TTC3: variants seen among roughly 807,000 people sequenced by gnomAD.
The protein encoded by TTC3 is E3 ubiquitin-protein ligase TTC3.
In TTC3, 180 loss-of-function variants were observed where a neutral mutation model predicts 249.6. The observed-to-expected ratio is 0.72, with a 90% CI of 0.64 to 0.82. The LOEUF is 0.82. Ranked by LOEUF, TTC3 falls within the 40% of genes least tolerant of loss-of-function variation. The probability of loss-of-function intolerance (pLI) is 0.00; values close to 1 mark genes in which losing one functional copy is unlikely to be tolerated. For synonymous variants in TTC3, 717 were observed against 805.0 expected (o/e 0.89, Z 1.85); for missense variants, 2,061 against 2,398.4 (o/e 0.86, Z 2.94).
intron 1 of TTC3, among the ~76,000 whole-genome samples, chr21:37,078,927 A>C (rs2071251417): frequency 6.6e-6 from 1 of 152,228 alleles, no homozygotes; most frequent in Non-Finnish European, 1.5e-5. Context: ...TCAGCTGAGA[A>C]TAACATTTGC....
At chr21:37,200,049 TA>T (rs1438935077) in intron 44 of TTC3, among the ~76,000 whole-genome samples, 182 bp from the exon 45 acceptor site, 1 of 152,260 alleles carries the variant, frequency 6.6e-6, no homozygotes, top group Non-Finnish European at 1.5e-5. Flanking sequence ...TTTGTATTTT[TA>T]TATTTTTTCT....
At chr21:37,197,524 A>G in intron 42 of TTC3, 46 bp from the exon 43 acceptor site, 1 of 1,610,294 alleles carries the variant, frequency 6.2e-7, no homozygotes, top group Non-Finnish European at 8.5e-7. Flanking sequence ...ATTTCTTAGC[A>G]GTAGAGAACT....
At chr21:37,133,783 G>A (rs982956303) in intron 17 of TTC3, among the ~76,000 whole-genome samples, 2 of 152,172 alleles carry the variant, frequency 1.3e-5, no homozygotes, top group African/African-American at 2.4e-5. Flanking sequence ...ATGGTGGCAC[G>A]TGTCTGTAGT....
chr21:37,096,124 A>C (rs555305874), intron 9 of TTC3, among the ~76,000 whole-genome samples: 1 of 152,380 alleles, frequency 6.6e-6, no homozygotes, highest in Admixed American at 6.5e-5. Flanking sequence ...AAAGGGAGAT[A>C]CGTTTCACCA....
intron 16 of TTC3, among the ~76,000 whole-genome samples, chr21:37,129,787 G>A (rs1447513537): frequency 1.3e-5 from 2 of 152,088 alleles, no homozygotes; most frequent in African/African-American, 2.4e-5. Flanking sequence ...CTACTATGGT[G>A]CACGTCACCA....
chr21:37,145,732 C>T (rs2078927700), intron 21 of TTC3, among the ~76,000 whole-genome samples: 1 of 152,154 alleles, frequency 6.6e-6, no homozygotes, highest in African/African-American at 2.4e-5. Context: ...TTCAATAGCT[C>T]CTACTCATGT....
chr21:37,091,325 G>C (rs779795653), exon 7 of TTC3: 2 of 1,611,404 alleles, frequency 1.2e-6, no homozygotes, highest in Non-Finnish European at 1.7e-6. Context: ...CTCTGAATTG[G>C]ATAAAATATG....
At chr21:37,187,108 A>T in exon 38 of TTC3, 1 of 1,579,336 alleles carries the variant, frequency 6.3e-7, no homozygotes, top group Non-Finnish European at 8.6e-7. Context: ...GGGAAAGAGG[A>T]TTATGAAGAG....
In TTC3 at chr21:37,087,292, C is replaced by T. The variant is rs1182956573; in HGVS notation, c.35C>T (p.Ala12Val). The change falls in exon 2 of 46, where the codon GCG becomes GTG. Residue 12 changes from alanine to valine, a missense_variant. Around this residue, in one of 3 missense-constraint regions of TTC3, gnomAD observed 989 missense variants for 1,145.1 expected, o/e 0.86. Coordinates refer to ENST00000355666, the Ensembl canonical transcript of TTC3. ...TTTGCTGAGGGAGATTTCACTGTGG[C>T]GGATTATGCCTTGTTAGAAGATTGC... 6 of 1,606,724 alleles carry T rather than the reference C, an allele frequency of 3.7e-6. No individual in the cohort carries two copies. Among genetic ancestry groups the T allele is most frequent in the Admixed American group, 1.7e-5 (1 of 59,856 alleles).
At chr21:37,160,923 A>T in intron 30 of TTC3, 65 bp downstream of exon 30, 1 of 1,462,116 alleles carries the variant, frequency 6.8e-7, no homozygotes, top group Non-Finnish European at 9.3e-7. Flanking sequence ...GGACATATAC[A>T]TTAGAATTGA....
At chr21:37,097,785 TGA>T in intron 10 of TTC3, 1 of 538,700 alleles carries the variant, frequency 1.9e-6, no homozygotes, top group South Asian at 2.7e-5. Flanking sequence ...TCATGAAAGC[TGA>T]GAGTCTGCTA....
intron 10 of TTC3, among the ~76,000 whole-genome samples, chr21:37,107,071 A>G (rs1601468351): frequency 7.8e-6 from 1 of 128,344 alleles, no homozygotes; most frequent in East Asian, 2.2e-4. Flanking sequence ...ATCCTTATCT[A>G]GTTGGTTTTT....
chr21:37,075,215 A>C (rs575808487), intron 1 of TTC3, among the ~76,000 whole-genome samples: 2 of 152,056 alleles, frequency 1.3e-5, no homozygotes, highest in South Asian at 4.1e-4. Flanking sequence ...TATATGAACA[A>C]ATTGAATGAT....
At chr21:37,140,188 T>G (rs974612996) in intron 19 of TTC3, among the ~76,000 whole-genome samples, 1 of 150,904 alleles carries the variant, frequency 6.6e-6, no homozygotes, top group Non-Finnish European at 1.5e-5. Context: ...GGATTAGCAC[T>G]TAATAGGATC....
chr21:37,185,625 A>C, intron 36 of TTC3, 81 bp from the exon 37 acceptor site: 1 of 656,234 alleles, frequency 1.5e-6, no homozygotes. Flanking sequence ...GTTTTTAAGG[A>C]TATGGGTGCA....
At chr21:37,122,440 T>TA (rs1555879592) in intron 12 of TTC3, among the ~76,000 whole-genome samples, 1 of 23,106 alleles carries the variant, frequency 4.3e-5, no homozygotes, top group African/African-American at 1.8e-4. Context: ...ATATATATTA[T>TA]ATATATATAT....
At chr21:37,171,933 G>A (rs560493409) in intron 34 of TTC3, among the ~76,000 whole-genome samples, 1 of 152,320 alleles carries the variant, frequency 6.6e-6, no homozygotes, top group East Asian at 1.9e-4. Context: ...GCTGCCACAG[G>A]GAGGACAGTT....
intron 11 of TTC3, 111 bp downstream of exon 11, chr21:37,108,557 C>A: frequency 9.6e-7 from 1 of 1,045,710 alleles, no homozygotes; most frequent in Non-Finnish European, 1.4e-6. Context: ...TTACGTAGAG[C>A]TCCAGAATGT....
At position 37,140,493 on chromosome 21, in the gene TTC3, T is replaced by G. The variant is rs878946590; in HGVS notation, c.1660-68T>G. On this transcript the variant is annotated intron_variant, in intron 19 of 45. Transcript: ENST00000355666. The stretch of plus-strand genomic sequence containing the variant: ...TTTAATATTATAAAAAAAATCAACC[T>G]TTAGATAAAATTTATTTCAGTATTT... 2.4e-5 allele frequency: 27 copies of G among 1,132,440 alleles called. 1 individual carries two copies. The South Asian group carries it at 4.7e-4, about 20-fold the overall frequency. The allele number at this position is 1,132,440 out of a possible 1,614,324, so 70.1% of individuals were successfully genotyped here.
Sources: gnomAD v4.1 joint callset for allele counts (sites outside exome capture counted in the v4.1 genomes callset) on GRCh38, gnomAD v4.1.1 for gene constraint, gnomAD v4.1.1 regional missense constraint, MANE v1.5 for transcripts, NCBI Gene and HGNC (gene_info 2026-07-23, HGNC 2026-07-21) for gene names.